The following TRPC4 variants were observed in gnomAD, a reference collection of about 807,000 sequenced individuals.
The protein encoded by TRPC4 is transient receptor potential cation channel subfamily C member 4, also known as short transient receptor potential channel 4.
A neutral mutation model predicts 99.4 loss-of-function variants in TRPC4; 49 were observed. The ratio of observed to expected loss-of-function variants is 0.49; its 90% CI spans 0.39 to 0.63. The LOEUF (loss-of-function observed/expected upper bound fraction) is 0.63. TRPC4 is among the 20% of genes least tolerant of loss of function. TRPC4 has a pLI of 0.00. For synonymous variants in TRPC4, 454 were observed against 425.9 expected (o/e 1.07, Z -0.81); for missense variants, 898 against 1,152.9 (o/e 0.78, Z 3.20).
At chr13:37,793,772 T>G (rs1420048711) in intron 1 of TRPC4, among the ~76,000 whole-genome samples, 1 of 152,138 alleles carries the variant, frequency 6.6e-6, no homozygotes, top group East Asian at 1.9e-4. Context: ...CTTCATAAAT[T>G]GCTGGTGGTG....
At position 37,783,244 on chromosome 13, in the gene TRPC4, C is replaced by T. The variant is rs150273254; in HGVS notation, c.90G>A (p.Ser30=). The T allele has an allele frequency of 3.2e-5, 51 of 1,613,466 alleles. No homozygotes were observed. In the African/African-American group the frequency reaches 4.9e-4, roughly 16 times the overall value. ...LRIVRAESEL[S]PSEKAYLNAV... ...CATTCAAGTAGGCTTTTTCTGATGG[C>T]GAGAGTTCTGATTCTGCTCTTACTA... The change falls in exon 2 of 11, where the codon TCG becomes TCA. Residue 30 remains serine, a synonymous_variant. Coordinates refer to ENST00000379705, the MANE Select transcript of TRPC4 (RefSeq NM_016179.4).
intron 1 of TRPC4, among the ~76,000 whole-genome samples, chr13:37,824,043 G>T (rs1226632658): frequency 2.3e-3 from 321 of 141,294 alleles, no homozygotes; most frequent in Admixed American, 5.0e-3. Context: ...AATTGTGAAT[G>T]GGAGTTCCCT....
intron 2 of TRPC4, among the ~76,000 whole-genome samples, chr13:37,754,942 C>T (rs1956058596): frequency 6.6e-6 from 1 of 152,016 alleles, no homozygotes; most frequent in African/African-American, 2.4e-5. Flanking sequence ...TTTTAAAATC[C>T]AGAGCCTGAT....
chr13:37,771,907 TC>T (rs914551249), intron 2 of TRPC4, among the ~76,000 whole-genome samples: 34 of 151,786 alleles, frequency 2.2e-4, no homozygotes, highest in African/African-American at 8.2e-4. Flanking sequence ...TCACAATGCT[TC>T]AAGAGTATAT....
chr13:37,711,250 C>T (rs1414141423), intron 3 of TRPC4, among the ~76,000 whole-genome samples: 1 of 151,766 alleles, frequency 6.6e-6, no homozygotes, highest in Admixed American at 6.6e-5. Context: ...TAATATATTC[C>T]ATGAATTATT....
Position 37,753,154 on chromosome 13 carries a change from A to G in TRPC4, c.379-6699T>C, listed in dbSNP as rs190907275. 1.5e-3 allele frequency among the ~76,000 whole-genome samples: 232 copies of G among 152,232 alleles called. 2 individuals are homozygous for G. Among genetic ancestry groups the G allele is most frequent in the African/African-American group, 5.3e-3 (221 of 41,552 alleles). ...AGGTGTTTATATTTACACTGGTTGG[A>G]ACTAGCAATGTAAAACAGTTATAAG... is the stretch of plus-strand genomic sequence containing the variant. On this transcript the variant is annotated intron_variant, in intron 2 of 10. Transcript: ENST00000379705.
intron 3 of TRPC4, among the ~76,000 whole-genome samples, chr13:37,702,406 C>G (rs746005728): frequency 2.0e-5 from 3 of 152,028 alleles, no homozygotes; most frequent in Non-Finnish European, 2.9e-5. Flanking sequence ...GTTTTTGACT[C>G]TATAGTTTAC....
intron 3 of TRPC4, among the ~76,000 whole-genome samples, chr13:37,708,132 T>C (rs1167837865): frequency 6.6e-6 from 1 of 152,156 alleles, no homozygotes; most frequent in Non-Finnish European, 1.5e-5. Context: ...AGAATTAAAA[T>C]CTTAGCAATA....
chr13:37,710,182 A>G (rs1048020076), intron 3 of TRPC4, among the ~76,000 whole-genome samples: 9 of 151,948 alleles, frequency 5.9e-5, no homozygotes, highest in African/African-American at 2.2e-4. Context: ...TCTGCTGCAA[A>G]TTAATTACTA....
At chr13:37,716,234 C>T (rs1319040470) in intron 3 of TRPC4, among the ~76,000 whole-genome samples, 1 of 152,154 alleles carries the variant, frequency 6.6e-6, no homozygotes, top group Admixed American at 6.6e-5. Context: ...CTTTGGCAAT[C>T]ACCTTACCCT....
At chr13:37,822,720 G>T (rs1223671873) in intron 1 of TRPC4, among the ~76,000 whole-genome samples, 6 of 151,946 alleles carry the variant, frequency 3.9e-5, no homozygotes, top group South Asian at 2.1e-4. Context: ...GAATAATGCC[G>T]CAATGAACAT....
intron 2 of TRPC4, among the ~76,000 whole-genome samples, chr13:37,777,596 G>GA (rs1422637392): frequency 6.6e-6 from 1 of 151,742 alleles, no homozygotes; most frequent in Non-Finnish European, 1.5e-5. Context: ...TTTTTCAAAT[G>GA]AAAAAAGAGG....
At chr13:37,844,770 G>A (rs576450583) in intron 1 of TRPC4, among the ~76,000 whole-genome samples, 7 of 152,232 alleles carry the variant, frequency 4.6e-5, no homozygotes, top group South Asian at 4.1e-4. Context: ...CCACAAAACC[G>A]TGATACTCTT....
chr13:37,809,923 G>A (rs180857053), intron 1 of TRPC4, among the ~76,000 whole-genome samples: 91 of 152,154 alleles, frequency 6.0e-4, no homozygotes, highest in African/African-American at 2.0e-3. Flanking sequence ...ATCAATTTCT[G>A]AGCAAGGGCT....
At chr13:37,839,055 A>G (rs1384331631) in intron 1 of TRPC4, among the ~76,000 whole-genome samples, 1 of 152,228 alleles carries the variant, frequency 6.6e-6, no homozygotes, top group Non-Finnish European at 1.5e-5. Flanking sequence ...AATAATATTC[A>G]GAAAGATTTC....
Position 37,698,322 on chromosome 13 carries a change from C to G in TRPC4, c.898-5987G>C, listed in dbSNP as rs138138769. 8.1e-3 allele frequency among the ~76,000 whole-genome samples: 1,228 copies of G among 151,066 alleles called. 16 individuals are homozygous for G. The highest frequency in any genetic ancestry group is 0.028 in the African/African-American group (1,164 of 41,070). ...GACTACAGGTGCCCGCCACCACACCCAACTAATTTTTTGTATTTTTAGTAG... is the reference window on the plus strand; with the variant it reads ...GACTACAGGTGCCCGCCACCACACCGAACTAATTTTTTGTATTTTTAGTAG... On this transcript the variant is annotated intron_variant, in intron 3 of 10. Coordinates refer to ENST00000379705, the MANE Select transcript of TRPC4 (RefSeq NM_016179.4).
chr13:37,710,675 T>C (rs1954453436), intron 3 of TRPC4, among the ~76,000 whole-genome samples: 1 of 151,952 alleles, frequency 6.6e-6, no homozygotes, highest in Non-Finnish European at 1.5e-5. Flanking sequence ...CCAAACACAT[T>C]ATTTGTCCCT....
chr13:37,807,091 A>C (rs966066674), intron 1 of TRPC4, among the ~76,000 whole-genome samples: 1 of 152,082 alleles, frequency 6.6e-6, no homozygotes, highest in African/African-American at 2.4e-5. Context: ...TGAACTTACT[A>C]TATGGCCAAC....
At chr13:37,730,422 C>T (rs1199333370) in intron 3 of TRPC4, among the ~76,000 whole-genome samples, 1 of 151,846 alleles carries the variant, frequency 6.6e-6, no homozygotes, top group African/African-American at 2.4e-5. Context: ...TCATGAATTC[C>T]TATGTTGATA....
Sources: gnomAD v4.1 joint callset for allele counts (sites outside exome capture counted in the v4.1 genomes callset) on GRCh38, gnomAD v4.1.1 for gene constraint, MANE v1.5 for transcripts, NCBI Gene and HGNC (gene_info 2026-07-23, HGNC 2026-07-21) for gene names.